Variants in NRG3 observed in about 807,000 individuals in gnomAD.
NRG3 encodes neuregulin 3.
NRG3 carries 31 observed loss-of-function variants against 66.9 expected under a neutral mutation model. The observed-to-expected ratio is 0.46, with a 90% confidence interval of 0.35 to 0.63. NRG3 has a LOEUF of 0.63. Among genes scored for constraint, NRG3 ranks in the 20% least tolerant of loss-of-function variants. The pLI, the probability that NRG3 is intolerant of heterozygous loss-of-function variation, is 0.00. For missense variants in NRG3, 910 were observed against 878.9 expected, an observed-to-expected ratio of 1.04 and a Z score of -0.45; for synonymous variants, 393 against 359.4, an observed-to-expected ratio of 1.09 and a Z score of -1.06.
At chr10:82,626,563 G>T (rs951073605) in intron 2 of NRG3, among the ~76,000 whole-genome samples, 1 of 152,016 alleles carries the variant, frequency 6.6e-6, no homozygotes, top group East Asian at 1.9e-4. Context: ...CTTCTCTTGG[G>T]GGTAAGTGTG....
chr10:82,382,297 A>G (rs2085665244), intron 2 of NRG3, among the ~76,000 whole-genome samples: 1 of 151,922 alleles, frequency 6.6e-6, no homozygotes, highest in Admixed American at 6.6e-5. Flanking sequence ...ATTTCTGTGC[A>G]TTTATTCAAA....
intron 1 of NRG3, among the ~76,000 whole-genome samples, chr10:82,058,458 G>T (rs953892449): frequency 4.0e-5 from 6 of 151,184 alleles, no homozygotes; most frequent in Non-Finnish European, 5.9e-5. Flanking sequence ...TATTTTCAAC[G>T]ACCCGTTTCA....
intron 1 of NRG3, among the ~76,000 whole-genome samples, chr10:82,042,052 A>C (rs937842418): frequency 6.6e-6 from 1 of 152,070 alleles, no homozygotes; most frequent in Non-Finnish European, 1.5e-5. Context: ...TTAGGTAGTT[A>C]GAGATATAAA....
chr10:82,271,603 TACTA>T (rs1350519012), intron 1 of NRG3, among the ~76,000 whole-genome samples: 3 of 151,862 alleles, frequency 2.0e-5, no homozygotes, highest in South Asian at 2.1e-4. Flanking sequence ...ATACTACAAC[TACTA>T]ACTAATTAAC....
At chr10:82,819,672 G>T (rs1041208358) in intron 3 of NRG3, among the ~76,000 whole-genome samples, 1 of 152,192 alleles carries the variant, frequency 6.6e-6, no homozygotes, top group East Asian at 1.9e-4. Flanking sequence ...CATTTTAGAA[G>T]ACCTAAAGTC....
intron 1 of NRG3, among the ~76,000 whole-genome samples, chr10:82,023,311 A>G (rs1169712626): frequency 6.6e-6 from 1 of 151,870 alleles, no homozygotes. Context: ...AACAAGGATA[A>G]TTTCATTTCT....
At chr10:82,281,716 A>G (rs761190151) in intron 1 of NRG3, among the ~76,000 whole-genome samples, 1 of 152,136 alleles carries the variant, frequency 6.6e-6, no homozygotes, top group Non-Finnish European at 1.5e-5. Flanking sequence ...ATATGGCCAG[A>G]TATGAGAATC....
At chr10:82,537,367 G>C (rs973134495) in intron 2 of NRG3, among the ~76,000 whole-genome samples, 1 of 152,106 alleles carries the variant, frequency 6.6e-6, no homozygotes, top group African/African-American at 2.4e-5. Flanking sequence ...GTATGATCAA[G>C]TATTATGTAG....
chr10:82,677,077 A>T (rs1230714674), intron 2 of NRG3, among the ~76,000 whole-genome samples: 212 of 129,150 alleles, frequency 1.6e-3, no homozygotes, highest in Middle Eastern at 4.1e-3. Context: ...TTTTTTTTTT[A>T]AAAGCAGGGT....
chr10:81,962,534 G>C (rs1236533257), intron 1 of NRG3, among the ~76,000 whole-genome samples: 1 of 152,120 alleles, frequency 6.6e-6, no homozygotes, highest in Non-Finnish European at 1.5e-5. Context: ...GTATGTTCCC[G>C]TCTCCCTAAA....
chr10:82,349,151 G>T (rs1273890767), intron 1 of NRG3, among the ~76,000 whole-genome samples: 1 of 151,578 alleles, frequency 6.6e-6, no homozygotes. Flanking sequence ...CTGCTTTTTA[G>T]AGTTTCCAGT....
At chr10:82,438,671 A>C (rs2090274846) in intron 2 of NRG3, among the ~76,000 whole-genome samples, 1 of 152,166 alleles carries the variant, frequency 6.6e-6, no homozygotes, top group Non-Finnish European at 1.5e-5. Flanking sequence ...GCATGGGTTC[A>C]TGAGTGGGAT....
At chr10:82,762,769 T>C (rs1391521221) in intron 3 of NRG3, among the ~76,000 whole-genome samples, 1 of 152,194 alleles carries the variant, frequency 6.6e-6, no homozygotes, top group Non-Finnish European at 1.5e-5. Context: ...GCTTTCCATG[T>C]CAACTAGCTT....
At chr10:81,986,592 T>G (rs970585756) in intron 1 of NRG3, among the ~76,000 whole-genome samples, 7 of 152,222 alleles carry the variant, frequency 4.6e-5, no homozygotes, top group Non-Finnish European at 1.0e-4. Context: ...AAAATGATAC[T>G]TGGAAATAAA....
intron 2 of NRG3, among the ~76,000 whole-genome samples, chr10:82,639,087 A>G (rs1318458619): frequency 6.6e-6 from 1 of 152,128 alleles, no homozygotes; most frequent in Admixed American, 6.5e-5. Flanking sequence ...GTGTCTCTTT[A>G]TGTATGAAGG....
At chr10:82,236,259 G>A (rs2076747818) in intron 1 of NRG3, among the ~76,000 whole-genome samples, 1 of 152,152 alleles carries the variant, frequency 6.6e-6, no homozygotes, top group Admixed American at 6.5e-5. Flanking sequence ...GAGATAGCAA[G>A]CACAACTGGA....
intron 2 of NRG3, among the ~76,000 whole-genome samples, chr10:82,400,183 T>C (rs1264880256): frequency 1.3e-5 from 2 of 152,194 alleles, no homozygotes; most frequent in Non-Finnish European, 2.9e-5. Context: ...AATTATCTAG[T>C]AATAAACAGC....
intron 1 of NRG3, among the ~76,000 whole-genome samples, chr10:81,981,935 G>A (rs946848203): frequency 2.0e-5 from 3 of 152,126 alleles, no homozygotes; most frequent in Non-Finnish European, 4.4e-5. Flanking sequence ...TTAGATCTAT[G>A]AGTCACATCC....
rs1033020837 is a variant in NRG3, at chr10:81,921,297, T to C, written c.823+45134T>C. ...TGTATATTCTTGATTGTGATTTGTT[T>C]GCTTATAATATTTGCCTAATCCTGG... is the stretch of plus-strand genomic sequence containing the variant. On this transcript the variant is annotated intron_variant, in intron 1 of 8. Transcript: ENST00000372141. 3.3e-5 allele frequency among the ~76,000 whole-genome samples: 5 copies of C among 152,258 alleles called. No homozygotes were observed. The South Asian group carries it at 1.0e-3, about 32-fold the overall frequency.
Sources: allele counts gnomAD v4.1 joint callset (sites outside exome capture counted in the v4.1 genomes callset), GRCh38; gene constraint gnomAD v4.1.1; transcripts MANE v1.5; gene names NCBI Gene and HGNC (gene_info 2026-07-23, HGNC 2026-07-21).